CFAP299: variants seen among roughly 807,000 people sequenced by gnomAD.
The protein encoded by CFAP299 is cilia and flagella associated protein 299.
CFAP299 carries 21 observed loss-of-function variants against 27.0 expected under a neutral mutation model. The observed-to-expected ratio is 0.78, with a 90% confidence interval of 0.55 to 1.12. The LOEUF is 1.12. Ranked by LOEUF, CFAP299 falls within the 50% of genes most tolerant of loss-of-function variation. The pLI is 0.00. For synonymous variants in CFAP299, 104 were observed against 98.1 expected (o/e 1.06, Z -0.36); for missense variants, 310 against 276.6 (o/e 1.12, Z -0.86).
chr4:80,489,195 T>G (rs1730988102), intron 2 of CFAP299, among the ~76,000 whole-genome samples: 1 of 152,224 alleles, frequency 6.6e-6, no homozygotes, highest in Non-Finnish European at 1.5e-5. Flanking sequence ...AATGTGGACC[T>G]TAATTTTCCA....
At chr4:80,962,251 A>G (rs1738380664) in intron 5 of CFAP299, among the ~76,000 whole-genome samples, 2 of 152,042 alleles carry the variant, frequency 1.3e-5, no homozygotes, top group African/African-American at 4.8e-5. Context: ...GATTTCATTT[A>G]ATTCATTAAT....
intron 2 of CFAP299, among the ~76,000 whole-genome samples, chr4:80,580,306 A>G (rs538587061): frequency 6.6e-6 from 1 of 152,128 alleles, no homozygotes; most frequent in East Asian, 1.9e-4. Context: ...TGGGAGTTCT[A>G]AGTAATTGGG....
At chr4:80,864,367 T>C (rs1193017367) in intron 3 of CFAP299, among the ~76,000 whole-genome samples, 1 of 149,286 alleles carries the variant, frequency 6.7e-6, no homozygotes, top group African/African-American at 2.4e-5. Context: ...GATGCCACAA[T>C]AGTGGTTTTA....
intron 3 of CFAP299, among the ~76,000 whole-genome samples, chr4:80,788,309 A>G (rs952083543): frequency 6.6e-6 from 1 of 151,898 alleles, no homozygotes; most frequent in Admixed American, 6.6e-5. Context: ...GAAAAATAAA[A>G]GTTCATAAGC....
intron 4 of CFAP299, among the ~76,000 whole-genome samples, chr4:80,912,904 T>A (rs533612797): frequency 6.6e-6 from 1 of 151,578 alleles, no homozygotes; most frequent in African/African-American, 2.4e-5. Flanking sequence ...AAAACAGGAG[T>A]GCGGAATAGA....
At chr4:80,680,654 A>G (rs915994892) in intron 3 of CFAP299, among the ~76,000 whole-genome samples, 1 of 152,192 alleles carries the variant, frequency 6.6e-6, no homozygotes, top group African/African-American at 2.4e-5. Context: ...CTGATGTTCC[A>G]CATGGGATTT....
Position 80,944,828 on chromosome 4 carries a change from T to G in CFAP299, c.495T>G (p.Ala165=). The change falls in exon 5 of 6, where the codon GCT becomes GCG. Residue 165 remains alanine, a synonymous_variant. Coordinates refer to ENST00000358105, the MANE Select transcript of CFAP299 (RefSeq NM_152770.3). ...TTTATAGCTTTTACAACTGGGACGC[T>G]GATATTGCTGTTAGTAATTCAAGTC... The part of the protein sequence containing the change: ...PTDISFYNWD[A]DIAVSNSSPN... 6.2e-7 allele frequency: 1 copy of G among 1,605,076 alleles called. No homozygotes were observed. Among genetic ancestry groups the G allele is most frequent in the Non-Finnish European group, 8.5e-7 (1 of 1,173,944 alleles).
intron 3 of CFAP299, among the ~76,000 whole-genome samples, chr4:80,706,654 A>G (rs1286185528): frequency 1.3e-5 from 2 of 151,932 alleles, no homozygotes; most frequent in East Asian, 3.8e-4. Context: ...ATCTATGTAT[A>G]TATTTGTGTA....
chr4:80,397,724 A>G (rs1466791101), intron 2 of CFAP299, among the ~76,000 whole-genome samples: 2 of 152,312 alleles, frequency 1.3e-5, no homozygotes, highest in East Asian at 1.9e-4. Flanking sequence ...ACCCACAGCC[A>G]GTATCATACT....
chr4:80,439,805 G>A (rs1315944392), intron 2 of CFAP299, among the ~76,000 whole-genome samples: 1 of 152,196 alleles, frequency 6.6e-6, no homozygotes, highest in African/African-American at 2.4e-5. Flanking sequence ...CCACTGGCGG[G>A]AAATTCTTGC....
At chr4:80,945,023 T>A in intron 5 of CFAP299, 84 bp downstream of exon 5, 1 of 1,314,722 alleles carries the variant, frequency 7.6e-7, no homozygotes, top group Non-Finnish European at 1.1e-6. Flanking sequence ...GTTAAATATT[T>A]GACACTCTTA....
chr4:80,418,094 C>A (rs1030164843), intron 2 of CFAP299, among the ~76,000 whole-genome samples: 2 of 152,204 alleles, frequency 1.3e-5, no homozygotes, highest in African/African-American at 4.8e-5. Context: ...TGTACATACA[C>A]ATTTGCCAGG....
chr4:80,828,224 A>C (rs1452274667), intron 3 of CFAP299, among the ~76,000 whole-genome samples: 1 of 152,020 alleles, frequency 6.6e-6, no homozygotes, highest in East Asian at 1.9e-4. Context: ...ATCTCAAGGG[A>C]CCTGGAAGAG....
Position 80,476,060 on chromosome 4 carries a change from C to G in CFAP299, c.243-107033C>G, listed in dbSNP as rs536708554. 5.1e-4 allele frequency among the ~76,000 whole-genome samples: 78 copies of G among 152,312 alleles called. 1 individual carries two copies. Among genetic ancestry groups the G allele is most frequent in the African/African-American group, 1.8e-3 (75 of 41,562 alleles). On this transcript the variant is annotated intron_variant, in intron 2 of 5. Transcript: ENST00000358105. Reference sequence around the variant, plus strand: ...ACATGGTGCTGTAATAATGCTGTCTCTCCTGCAACTCTACAGCATCATTGG... The same window carrying G: ...ACATGGTGCTGTAATAATGCTGTCTGTCCTGCAACTCTACAGCATCATTGG...
At chr4:80,866,095 A>ATATATATATC (rs1243634550) in intron 3 of CFAP299, among the ~76,000 whole-genome samples, 1 of 126,492 alleles carries the variant, frequency 7.9e-6, no homozygotes, top group Non-Finnish European at 1.7e-5. Context: ...ATATATATAT[A>ATATATATATC]TCTTCCCAAA....
chr4:80,390,913 A>G (rs1003201981), intron 2 of CFAP299, among the ~76,000 whole-genome samples: 2 of 67,466 alleles, frequency 3.0e-5, no homozygotes, highest in Admixed American at 2.3e-4. Context: ...ATATATGTAT[A>G]TACACACATA....
intron 3 of CFAP299, among the ~76,000 whole-genome samples, chr4:80,841,072 G>T (rs956818080): frequency 2.6e-5 from 4 of 152,060 alleles, no homozygotes; most frequent in Non-Finnish European, 5.9e-5. Flanking sequence ...TAGAATGTAA[G>T]AACATTAAAG....
intron 2 of CFAP299, among the ~76,000 whole-genome samples, chr4:80,432,197 G>A (rs1175720975): frequency 2.0e-5 from 3 of 152,106 alleles, no homozygotes; most frequent in Admixed American, 1.3e-4. Flanking sequence ...TGTCGCCCAG[G>A]CTGGAGTGCA....
chr4:80,519,413 T>C (rs1732791942), intron 2 of CFAP299, among the ~76,000 whole-genome samples: 1 of 152,034 alleles, frequency 6.6e-6, no homozygotes, highest in Admixed American at 6.6e-5. Context: ...CACCATGTTG[T>C]CCAGGTTGTT....
Sources: allele counts gnomAD v4.1 joint callset (sites outside exome capture counted in the v4.1 genomes callset), GRCh38; gene constraint gnomAD v4.1.1; transcripts MANE v1.5; gene names NCBI Gene and HGNC (gene_info 2026-07-23, HGNC 2026-07-21).